Variants in DYNC2H1 observed in about 807,000 individuals in gnomAD.
The protein encoded by DYNC2H1 is dynein cytoplasmic 2 heavy chain 1.
A neutral mutation model predicts 570.0 loss-of-function variants in DYNC2H1; 410 were observed. That is an observed-to-expected ratio of 0.72 (90% CI 0.66 to 0.78). The LOEUF (loss-of-function observed/expected upper bound fraction) is 0.78. Ranked by LOEUF, DYNC2H1 falls within the 30% of genes least tolerant of loss-of-function variation. DYNC2H1 has a pLI of 0.00. For synonymous variants in DYNC2H1, 1,688 were observed against 1,677.6 expected, an observed-to-expected ratio of 1.01 and a Z score of -0.15; for missense variants, 4,865 against 5,046.4, an observed-to-expected ratio of 0.96 and a Z score of 1.09.
chr11:103,227,311 G>A (rs1033468502), intron 59 of DYNC2H1, among the ~76,000 whole-genome samples: 1 of 151,762 alleles, frequency 6.6e-6, no homozygotes, highest in African/African-American at 2.4e-5. Flanking sequence ...TTTGATATAG[G>A]CATTTAATGC....
At chr11:103,358,416 G>A (rs1940464423) in intron 83 of DYNC2H1, 57 bp downstream of exon 83, 1 of 1,193,396 alleles carries the variant, frequency 8.4e-7, no homozygotes, top group Non-Finnish European at 1.2e-6. Flanking sequence ...TCGTAACCAT[G>A]TGCTCCCCAT....
rs548483365 is a variant in DYNC2H1 at position 103,258,354 on chromosome 11, A to G, written c.10605+603A>G. Among the ~76,000 whole-genome samples, 19 of 152,378 alleles carry G rather than the reference A, an allele frequency of 1.2e-4. No individual in the cohort carries two copies. The South Asian group carries it at 3.5e-3, about 28-fold the overall frequency. On this transcript the variant is annotated intron_variant, in intron 69 of 88. Coordinates refer to ENST00000375735, the MANE Select transcript of DYNC2H1 (RefSeq NM_001377.3). ...CATACTTTATTTAACCACCTCCCAT[A>G]TATGCACATTGTTCTAATTATTTCT...
intron 75 of DYNC2H1, among the ~76,000 whole-genome samples, chr11:103,294,707 G>A (rs1271599241): frequency 6.6e-6 from 1 of 152,160 alleles, no homozygotes; most frequent in African/African-American, 2.4e-5. Flanking sequence ...ACAGTACTGA[G>A]GCTTGCCCAA....
intron 82 of DYNC2H1, among the ~76,000 whole-genome samples, chr11:103,330,470 A>G (rs1241485180): frequency 1.4e-5 from 2 of 145,198 alleles, no homozygotes; most frequent in African/African-American, 4.9e-5. Context: ...TAAATTAAAA[A>G]CGTAATTGTA....
At chr11:103,462,216 C>T (rs1945038965) in intron 87 of DYNC2H1, among the ~76,000 whole-genome samples, 1 of 152,142 alleles carries the variant, frequency 6.6e-6, no homozygotes, top group Admixed American at 6.6e-5. Context: ...CTGTATTCAT[C>T]TGCTTGCTTC....
At chr11:103,266,521 G>C (rs1865511044) in intron 70 of DYNC2H1, among the ~76,000 whole-genome samples, 1 of 152,140 alleles carries the variant, frequency 6.6e-6, no homozygotes, top group Non-Finnish European at 1.5e-5. Flanking sequence ...GGGGCCAGCT[G>C]GTTCTCTGCC....
At chr11:103,352,163 A>G (rs1940085968) in intron 82 of DYNC2H1, among the ~76,000 whole-genome samples, 1 of 152,056 alleles carries the variant, frequency 6.6e-6, no homozygotes, top group South Asian at 2.1e-4. Context: ...TTAATCTGGT[A>G]AGAAATCTCT....
Position 103,254,675 on chromosome 11 carries a change from T to C in DYNC2H1, c.10207-740T>C, listed in dbSNP as rs78350597. ...TTTTCCATATCCTTGCCAACTCTGG[T>C]TGTTATGTATCTTTTTAATTGTAGT... is the stretch of plus-strand genomic sequence containing the variant. On this transcript the variant is annotated intron_variant, in intron 66 of 88. Coordinates refer to ENST00000375735, the MANE Select transcript of DYNC2H1 (RefSeq NM_001377.3). This position sits in a 1 kb window ranked among gnomAD's most constrained non-coding sequence, Gnocchi z 4.9. 6.6e-6 allele frequency among the ~76,000 whole-genome samples: 1 copy of C among 152,148 alleles called. No homozygotes were observed. Among genetic ancestry groups the C allele is most frequent in the Non-Finnish European group, 1.5e-5 (1 of 68,008 alleles).
At chr11:103,278,383 A>G (rs752729038) in intron 70 of DYNC2H1, among the ~76,000 whole-genome samples, 1 of 152,188 alleles carries the variant, frequency 6.6e-6, no homozygotes, top group Non-Finnish European at 1.5e-5. Flanking sequence ...TACATTATCT[A>G]ATCTAATTAT....
intron 17 of DYNC2H1, among the ~76,000 whole-genome samples, chr11:103,136,428 A>G (rs1388663349): frequency 1.4e-5 from 2 of 138,858 alleles, no homozygotes; most frequent in Non-Finnish European, 3.0e-5. Flanking sequence ...TCCTGTGTCC[A>G]TGTGCTCTCA....
chr11:103,401,580 G>T (rs1363818277), intron 84 of DYNC2H1, among the ~76,000 whole-genome samples: 1 of 152,074 alleles, frequency 6.6e-6, no homozygotes, highest in African/African-American at 2.4e-5. Flanking sequence ...GAATATGTCT[G>T]CCTGTTTGAG....
At chr11:103,141,589 C>T (rs901415910) in intron 17 of DYNC2H1, among the ~76,000 whole-genome samples, 10 of 152,132 alleles carry the variant, frequency 6.6e-5, no homozygotes, top group Non-Finnish European at 1.0e-4. Flanking sequence ...AGTACCCGGC[C>T]GTCTGAGGTG....
chr11:103,242,219 A>G (rs1286713608), intron 63 of DYNC2H1, among the ~76,000 whole-genome samples: 1 of 152,190 alleles, frequency 6.6e-6, no homozygotes, highest in Non-Finnish European at 1.5e-5. Context: ...ATATATACAT[A>G]CAATGTTTTT....
intron 82 of DYNC2H1, among the ~76,000 whole-genome samples, chr11:103,332,633 G>T (rs956581240): frequency 3.9e-5 from 6 of 152,142 alleles, no homozygotes; most frequent in African/African-American, 1.4e-4. Context: ...TGGAATCGTG[G>T]TAACTTTAAA....
chr11:103,435,563 G>A (rs1944032288), intron 84 of DYNC2H1, among the ~76,000 whole-genome samples: 1 of 151,814 alleles, frequency 6.6e-6, no homozygotes, highest in African/African-American at 2.4e-5. Flanking sequence ...CCATTATACT[G>A]CTCTATTTAT....
chr11:103,154,642 G>A, intron 23 of DYNC2H1, 36 bp downstream of exon 23: 1 of 1,574,120 alleles, frequency 6.4e-7, no homozygotes. Context: ...CTAATAATTT[G>A]GTTGTTTTAT....
chr11:103,358,486 C>T (rs746697208), intron 83 of DYNC2H1, 127 bp downstream of exon 83: 11 of 593,540 alleles, frequency 1.9e-5, no homozygotes, highest in Non-Finnish European at 3.0e-5. Context: ...AAGTCATGGC[C>T]CATGACCTCC....
Position 103,220,624 on chromosome 11 carries a change from C to A in DYNC2H1, c.8948C>A (p.Pro2983His). 1 of 1,598,630 alleles carries A rather than the reference C, an allele frequency of 6.3e-7. No individual in the cohort carries two copies. The highest frequency in any genetic ancestry group is 1.2e-5 in the South Asian group (1 of 86,562). Reference sequence around the variant, plus strand: ...AAAAATGGCCTTTTTCTCTTTTAGCCTTTAGTCAATGAAGCTAAACTAGCA... The same window carrying A: ...AAAAATGGCCTTTTTCTCTTTTAGCATTTAGTCAATGAAGCTAAACTAGCA... The part of the protein sequence containing the change: ...KIDDELKEVQ[P>H]LVNEAKLAVG... The change falls in exon 57 of 89, where the codon CCT becomes CAT. Residue 2983 changes from proline to histidine, a missense_variant and splice_region_variant. Pro to His is a moderately conservative substitution (Grantham distance 77, BLOSUM62 -2). Around this residue, in one of 5 missense-constraint regions of DYNC2H1, gnomAD observed 2,401 missense variants for 2,454.6 expected, o/e 0.98. Coordinates refer to ENST00000375735, the MANE Select transcript of DYNC2H1 (RefSeq NM_001377.3).
chr11:103,341,448 A>C (rs4754068), intron 82 of DYNC2H1, among the ~76,000 whole-genome samples: 33,009 of 152,116 alleles, frequency 0.22, 3,719 homozygotes, highest in Admixed American at 0.31. Context: ...CAATTTCTCT[A>C]AGTGTGGGTG....
Sources: gnomAD v4.1 joint callset for allele counts (sites outside exome capture counted in the v4.1 genomes callset) on GRCh38, gnomAD v4.1.1 for gene constraint, gnomAD v4.1.1 regional missense constraint, Gnocchi (gnomAD v3.1) non-coding constraint, MANE v1.5 for transcripts, NCBI Gene and HGNC (gene_info 2026-07-23, HGNC 2026-07-21) for gene names.